Variants in ATRNL1 observed in about 807,000 individuals in gnomAD.
ATRNL1 encodes attractin-like protein 1.
Under a neutral mutation model 182.7 loss-of-function variants are expected in ATRNL1, and 95 were observed. The observed-to-expected ratio is 0.52, with a 90% CI of 0.44 to 0.62. The LOEUF (loss-of-function observed/expected upper bound fraction) is 0.62. ATRNL1 is among the 20% of genes least tolerant of loss of function. The pLI is 0.00. For synonymous variants in ATRNL1, 576 were observed against 568.3 expected (o/e 1.01, Z -0.19); for missense variants, 1,471 against 1,679.5 (o/e 0.88, Z 2.17).
At chr10:115,796,616 C>A (rs1593228298) in intron 27 of ATRNL1, among the ~76,000 whole-genome samples, 1 of 152,130 alleles carries the variant, frequency 6.6e-6, no homozygotes, top group Non-Finnish European at 1.5e-5. Context: ...TAACCTCATT[C>A]AAGTGGAAAG....
intron 8 of ATRNL1, among the ~76,000 whole-genome samples, chr10:115,186,022 CA>C (rs1847925694): frequency 6.6e-6 from 1 of 151,900 alleles, no homozygotes. Context: ...GAAAGCAAGC[CA>C]TAGATAAGTA....
At chr10:115,278,935 G>T (rs1023012895) in intron 13 of ATRNL1, among the ~76,000 whole-genome samples, 1 of 152,052 alleles carries the variant, frequency 6.6e-6, no homozygotes, top group Non-Finnish European at 1.5e-5. Context: ...GGGCACAGTG[G>T]CATACACCTG....
intron 25 of ATRNL1, among the ~76,000 whole-genome samples, chr10:115,536,623 C>T (rs1554990501): frequency 6.6e-6 from 1 of 152,178 alleles, no homozygotes; most frequent in East Asian, 1.9e-4. Flanking sequence ...ACCCACTGTC[C>T]TGCGCCCACT....
intron 27 of ATRNL1, among the ~76,000 whole-genome samples, chr10:115,760,983 G>A (rs1046697648): frequency 4.7e-4 from 72 of 152,260 alleles, no homozygotes; most frequent in African/African-American, 1.7e-3. Context: ...TGATCCATGG[G>A]AGGTCTCCTA....
chr10:115,944,255 T>TTTTTTTTTTTTTTTTTTGAGACGG (rs1555124893), intron 28 of ATRNL1, among the ~76,000 whole-genome samples: 1 of 138,026 alleles, frequency 7.2e-6, no homozygotes, highest in African/African-American at 2.7e-5. Context: ...GAAATGTTTT[T>TTTTTTTTTTTTTTTTTTGAGACGG]AAAAATCTTA....
rs187774530 is a variant in ATRNL1 at position 115,703,902 on chromosome 10, A to C, written c.3796-23346A>C. Among the ~76,000 whole-genome samples, 4 of 151,922 alleles carry C rather than the reference A, an allele frequency of 2.6e-5. No homozygotes were observed. In the East Asian group the frequency reaches 7.7e-4, roughly 29 times the overall value. ...TTAGGCCTCTTATCAAATATATGGA[A>C]ATTTGATCTACGGCTTGATTTTCAA... On this transcript the variant is annotated intron_variant, in intron 26 of 28. Transcript: ENST00000355044.
chr10:115,369,885 C>G (rs1554947497), intron 19 of ATRNL1, among the ~76,000 whole-genome samples: 1 of 152,116 alleles, frequency 6.6e-6, no homozygotes, highest in African/African-American at 2.4e-5. Flanking sequence ...TGAGAAGTGT[C>G]TTTTCATGTC....
At chr10:115,939,097 T>G (rs1012924944) in intron 28 of ATRNL1, among the ~76,000 whole-genome samples, 9 of 152,316 alleles carry the variant, frequency 5.9e-5, no homozygotes, top group South Asian at 4.1e-4. Context: ...TATACATAGG[T>G]CAAAACACCA....
In ATRNL1 at chr10:115,462,030, G is replaced by A; in HGVS notation, c.3412G>A (p.Glu1138Lys). 6.3e-7 allele frequency: 1 copy of A among 1,598,658 alleles called. No individual in the cohort carries two copies. The highest frequency in any genetic ancestry group is 8.5e-7 in the Non-Finnish European group (1 of 1,171,400). The change falls in exon 22 of 29, where the codon GAA (glutamate) becomes AAA (lysine). Residue 1138 changes from glutamate (E) to lysine (K), a missense_variant. Glu to Lys is a moderately conservative substitution (Grantham distance 56, BLOSUM62 1). Transcript: ENST00000355044. ...HTAINFIANP[E>K]QSNKNLDISI... Reference sequence around the variant, plus strand: ...TGCCATAAACTTTATAGCAAACCCAGAACAGGTGAGGAAAAATTGTTATCT... The same window carrying A: ...TGCCATAAACTTTATAGCAAACCCAAAACAGGTGAGGAAAAATTGTTATCT...
chr10:115,764,432 A>G (rs1948806844), intron 27 of ATRNL1, among the ~76,000 whole-genome samples: 2 of 152,124 alleles, frequency 1.3e-5, no homozygotes, highest in South Asian at 4.1e-4. Flanking sequence ...AGTATGTTCA[A>G]TGCCCTAAAA....
intron 15 of ATRNL1, among the ~76,000 whole-genome samples, chr10:115,291,201 T>C (rs1852885961): frequency 6.6e-6 from 1 of 152,244 alleles, no homozygotes; most frequent in Non-Finnish European, 1.5e-5. Flanking sequence ...AAATAATTTC[T>C]TTCTAGTTCT....
In ATRNL1 at chr10:115,127,719, T is replaced by G; in HGVS notation, c.618T>G (p.Tyr206Ter). The stretch of plus-strand genomic sequence containing the variant: ...ATCTAACTGGTTTCAACATTTTCTA[T>G]TCGTAAGTATTTTTTAAAAATTCCT... ...AYNLTGFNIF[Y>*]SINSCPNNCS... is the part of the protein sequence containing the mutation. Residue 206 changes from tyrosine to a stop codon, truncating the protein, a stop_gained and splice_region_variant, in exon 4 of 29, where the codon TAT becomes TAG. Coordinates refer to ENST00000355044, the MANE Select transcript of ATRNL1 (RefSeq NM_207303.4). LOFTEE classifies it high-confidence loss of function. 2 of 1,418,410 alleles carry G rather than the reference T, an allele frequency of 1.4e-6. No individual in the cohort carries two copies. Among genetic ancestry groups the G allele is most frequent in the Non-Finnish European group, 1.9e-6 (2 of 1,078,240 alleles). 87.9% of individuals were successfully genotyped at this position (1,418,410 alleles called of 1,614,324 possible).
intron 28 of ATRNL1, among the ~76,000 whole-genome samples, chr10:115,943,342 C>CAATT (rs1337028259): frequency 9.9e-5 from 15 of 152,116 alleles, no homozygotes; most frequent in African/African-American, 3.6e-4. Context: ...ACAAACAACC[C>CAATT]AATTAAAAAC....
chr10:115,168,083 A>G (rs549725085), intron 7 of ATRNL1, among the ~76,000 whole-genome samples: 1 of 152,286 alleles, frequency 6.6e-6, no homozygotes, highest in East Asian at 1.9e-4. Flanking sequence ...GAAGTCATAT[A>G]CTATGTATGT....
intron 27 of ATRNL1, among the ~76,000 whole-genome samples, chr10:115,748,671 G>A (rs1485306563): frequency 1.3e-5 from 2 of 151,644 alleles, no homozygotes; most frequent in African/African-American, 4.8e-5. Context: ...TCTAGAGCAT[G>A]ACCAATGTTC....
At chr10:115,665,033 G>C (rs782492816) in intron 26 of ATRNL1, among the ~76,000 whole-genome samples, 9 of 152,098 alleles carry the variant, frequency 5.9e-5, no homozygotes, top group Non-Finnish European at 8.8e-5. Context: ...GTTACTACCT[G>C]GTCATTTGGC....
chr10:115,839,904 C>T (rs1950764419), intron 27 of ATRNL1, among the ~76,000 whole-genome samples: 1 of 152,156 alleles, frequency 6.6e-6, no homozygotes, highest in Non-Finnish European at 1.5e-5. Flanking sequence ...ATGGACTAGC[C>T]TGGGAAGTAA....
chr10:115,130,199 C>T lies in ATRNL1; in HGVS notation c.829+664C>T, dbSNP rs115689980. Among the ~76,000 whole-genome samples the T allele has an allele frequency of 6.7e-3, 1,012 of 152,086 alleles. 12 individuals are homozygous for T. Among genetic ancestry groups the T allele is most frequent in the African/African-American group, 0.023 (958 of 41,506 alleles). On this transcript the variant is annotated intron_variant, in intron 5 of 28. Transcript: ENST00000355044. ...TATGCTTATACATATACCTACCCAC[C>T]TAGAGCTTACTTTTTGCTAGTTACA...
chr10:115,832,810 A>G (rs1428049664), intron 27 of ATRNL1, among the ~76,000 whole-genome samples: 1 of 152,068 alleles, frequency 6.6e-6, no homozygotes, highest in Non-Finnish European at 1.5e-5. Flanking sequence ...TTGATCCTGC[A>G]TCTCTGTCTC....
Sources: allele counts gnomAD v4.1 joint callset (sites outside exome capture counted in the v4.1 genomes callset), GRCh38; gene constraint gnomAD v4.1.1; transcripts MANE v1.5; gene names NCBI Gene and HGNC (gene_info 2026-07-23, HGNC 2026-07-21).